The following CDK14 variants were observed in gnomAD, a reference collection of about 807,000 sequenced individuals.
CDK14 encodes the protein cyclin dependent kinase 14.
A neutral mutation model predicts 60.7 loss-of-function variants in CDK14; 34 were observed. That is an observed-to-expected ratio of 0.56 (90% confidence interval 0.43 to 0.75). CDK14 has a LOEUF of 0.75. Ranked by LOEUF, CDK14 falls within the 30% of genes least tolerant of loss-of-function variation. The pLI is 0.00. For synonymous variants in CDK14, 197 were observed against 203.7 expected, an observed-to-expected ratio of 0.97 and a Z score of 0.28; for missense variants, 482 against 564.1, an observed-to-expected ratio of 0.85 and a Z score of 1.47.
intron 14 of CDK14, among the ~76,000 whole-genome samples, chr7:91,122,102 A>G (rs781286873): frequency 4.6e-5 from 7 of 152,204 alleles, no homozygotes; most frequent in African/African-American, 9.6e-5. Flanking sequence ...TCTCTTTTCA[A>G]TGAATCAGTT....
chr7:90,769,947 T>C (rs1284950056), intron 4 of CDK14, among the ~76,000 whole-genome samples: 1 of 152,282 alleles, frequency 6.6e-6, no homozygotes, highest in Non-Finnish European at 1.5e-5. Context: ...GGAAAAGCCA[T>C]ATAAACATGA....
At chr7:90,601,779 G>A (rs1267645015) in intron 1 of CDK14, among the ~76,000 whole-genome samples, 2 of 151,886 alleles carry the variant, frequency 1.3e-5, no homozygotes, top group East Asian at 1.9e-4. Context: ...AGAGGAACAG[G>A]GTCTCACTCT....
intron 10 of CDK14, among the ~76,000 whole-genome samples, chr7:91,045,001 A>T (rs1306267088): frequency 6.6e-6 from 1 of 152,226 alleles, no homozygotes; most frequent in East Asian, 1.9e-4. Context: ...TTTACAGATG[A>T]GGAAATTGGA....
At chr7:90,749,424 A>G (rs1489367755) in intron 4 of CDK14, among the ~76,000 whole-genome samples, 1 of 152,090 alleles carries the variant, frequency 6.6e-6, no homozygotes, top group East Asian at 1.9e-4. Flanking sequence ...TTTCTGCTTT[A>G]CATCCAGGCA....
At chr7:91,195,597 C>T (rs1378351108) in intron 14 of CDK14, among the ~76,000 whole-genome samples, 1 of 152,302 alleles carries the variant, frequency 6.6e-6, no homozygotes, top group East Asian at 1.9e-4. Context: ...TGGAATAAAA[C>T]ATTTCAATAC....
chr7:90,893,116 CT>C (rs1394181999), intron 6 of CDK14, among the ~76,000 whole-genome samples: 1 of 152,106 alleles, frequency 6.6e-6, no homozygotes, highest in Non-Finnish European at 1.5e-5. Context: ...CTCACTCTGT[CT>C]GCTGCTTGGT....
At chr7:90,640,082 A>T (rs1420759816) in intron 2 of CDK14, among the ~76,000 whole-genome samples, 3 of 152,152 alleles carry the variant, frequency 2.0e-5, no homozygotes, top group Admixed American at 1.3e-4. Context: ...CGAGTGAGGC[A>T]GTGCCTCGCC....
chr7:90,924,467 T>A (rs1459132807), intron 8 of CDK14, among the ~76,000 whole-genome samples: 9 of 152,236 alleles, frequency 5.9e-5, no homozygotes, highest in Non-Finnish European at 1.3e-4. Flanking sequence ...ATATCCCTGC[T>A]TTATAGATCC....
chr7:91,099,460 G>A (rs1313075182), intron 12 of CDK14, among the ~76,000 whole-genome samples: 3 of 152,052 alleles, frequency 2.0e-5, no homozygotes, highest in African/African-American at 7.2e-5. Flanking sequence ...CAGGAAAATT[G>A]GGTAATCTTT....
intron 2 of CDK14, among the ~76,000 whole-genome samples, chr7:90,624,153 GGC>G (rs1158876432): frequency 1.3e-5 from 2 of 152,090 alleles, no homozygotes; most frequent in African/African-American, 4.8e-5. Flanking sequence ...CTGTTCCCCA[GGC>G]CACAGTCTTC....
intron 5 of CDK14, 50 bp downstream of exon 5, chr7:90,790,702 T>C (rs1562771359): frequency 3.3e-6 from 4 of 1,220,154 alleles, no homozygotes; most frequent in Non-Finnish European, 4.8e-6. Flanking sequence ...ATGGTCCCCG[T>C]AGCTATTTTA....
Position 90,994,447 on chromosome 7 carries a change from T to TCA in CDK14, c.1041+10208_1041+10209dup, listed in dbSNP as rs966295915. On this transcript the variant is annotated intron_variant, in intron 10 of 14. Coordinates refer to ENST00000380050, the MANE Select transcript of CDK14 (RefSeq NM_001287135.2). ...TCCTGGTCAGAGCAGTCACAAACTCTCACCCAAAGTGAAGGGAAGGGGACA... is the reference window on the plus strand; with the variant it reads ...TCCTGGTCAGAGCAGTCACAAACTCTCACACCCAAAGTGAAGGGAAGGGGACA... Among the ~76,000 whole-genome samples, 9 of 152,282 alleles carry TCA rather than the reference T, an allele frequency of 5.9e-5. No individual in the cohort carries two copies. In the East Asian group the frequency reaches 1.7e-3, roughly 29 times the overall value.
At chr7:90,743,188 G>A (rs1254904821) in intron 3 of CDK14, among the ~76,000 whole-genome samples, 1 of 152,070 alleles carries the variant, frequency 6.6e-6, no homozygotes, top group East Asian at 1.9e-4. Flanking sequence ...TAGCGTGGTG[G>A]TATGGGATAC....
chr7:91,034,306 T>C (rs1033099814), intron 10 of CDK14, among the ~76,000 whole-genome samples: 1 of 152,206 alleles, frequency 6.6e-6, no homozygotes, highest in Non-Finnish European at 1.5e-5. Context: ...TGCTGCACCT[T>C]GGACCAGTTA....
At chr7:90,907,822 C>T (rs978798160) in intron 7 of CDK14, among the ~76,000 whole-genome samples, 2 of 152,108 alleles carry the variant, frequency 1.3e-5, no homozygotes, top group African/African-American at 4.8e-5. Flanking sequence ...GTATAACAGA[C>T]AGAATTATGC....
chr7:90,739,886 G>C (rs757295558), intron 3 of CDK14, among the ~76,000 whole-genome samples: 55 of 152,216 alleles, frequency 3.6e-4, no homozygotes, highest in Admixed American at 2.5e-3. Flanking sequence ...GGAGGGTGAT[G>C]GTAAAGTGTG....
intron 2 of CDK14, among the ~76,000 whole-genome samples, chr7:90,689,793 CT>C (rs1232243705): frequency 6.6e-6 from 1 of 152,072 alleles, no homozygotes; most frequent in Non-Finnish European, 1.5e-5. Context: ...ATGTATGGAA[CT>C]TAAATACTTT....
At chr7:91,107,738 A>G (rs1369022088) in intron 12 of CDK14, 2 of 152,226 alleles carry the variant, frequency 1.3e-5, no homozygotes, top group Non-Finnish European at 2.9e-5. Context: ...GTATTGTCCT[A>G]CAATGCAGCT....
chr7:90,922,088 A>C (rs1293966573), intron 8 of CDK14, among the ~76,000 whole-genome samples: 1 of 152,196 alleles, frequency 6.6e-6, no homozygotes, highest in Non-Finnish European at 1.5e-5. Flanking sequence ...AAAGCTTGTT[A>C]GTCCCGAAGG....
Sources: allele counts gnomAD v4.1 joint callset (sites outside exome capture counted in the v4.1 genomes callset), GRCh38; gene constraint gnomAD v4.1.1; transcripts MANE v1.5; gene names NCBI Gene and HGNC (gene_info 2026-07-23, HGNC 2026-07-21).